Variants in EXT1 observed in about 807,000 individuals in gnomAD.
The protein encoded by EXT1 is exostosin glycosyltransferase 1, also known as exostosin-1.
EXT1 carries 20 observed loss-of-function variants against 82.5 expected under a neutral mutation model. The ratio of observed to expected loss-of-function variants is 0.24; its 90% CI spans 0.17 to 0.35. The LOEUF (loss-of-function observed/expected upper bound fraction) is 0.35. Among genes scored for constraint, EXT1 ranks in the 10% least tolerant of loss-of-function variants. The probability of loss-of-function intolerance (pLI) is 1.00; values close to 1 mark genes in which losing one functional copy is unlikely to be tolerated. For missense variants in EXT1, 757 were observed against 936.5 expected, an observed-to-expected ratio of 0.81 and a Z score of 2.50; for synonymous variants, 348 against 350.8, an observed-to-expected ratio of 0.99 and a Z score of 0.09.
chr8:117,864,225 C>G (rs1812734261), intron 1 of EXT1, among the ~76,000 whole-genome samples: 1 of 152,294 alleles, frequency 6.6e-6, no homozygotes, highest in South Asian at 2.1e-4. Flanking sequence ...CATTCTTTCC[C>G]AGACTAAGGA....
intron 1 of EXT1, among the ~76,000 whole-genome samples, chr8:117,937,540 T>C (rs1276317329): frequency 6.6e-6 from 1 of 152,222 alleles, no homozygotes; most frequent in Non-Finnish European, 1.5e-5. Flanking sequence ...TGCCTGAATA[T>C]AGTTGTCCCA....
intron 1 of EXT1, among the ~76,000 whole-genome samples, chr8:118,101,203 T>G (rs1303085305): frequency 1.3e-5 from 2 of 152,174 alleles, no homozygotes; most frequent in Non-Finnish European, 2.9e-5. Context: ...GATCCCCATT[T>G]CCAGATGTGG....
chr8:117,915,130 T>C (rs1813722781), intron 1 of EXT1, among the ~76,000 whole-genome samples: 1 of 152,198 alleles, frequency 6.6e-6, no homozygotes, highest in African/African-American at 2.4e-5. Context: ...ACTCTTTCTC[T>C]TTATTTCTCA....
chr8:117,901,018 A>G (rs1470611809), intron 1 of EXT1, among the ~76,000 whole-genome samples: 2 of 152,228 alleles, frequency 1.3e-5, no homozygotes, highest in African/African-American at 2.4e-5. Context: ...AGGACTCAGT[A>G]AAAAGTTCCA....
intron 5 of EXT1, among the ~76,000 whole-genome samples, chr8:117,821,263 C>T (rs1056627383): frequency 2.6e-5 from 4 of 152,142 alleles, no homozygotes; most frequent in African/African-American, 9.7e-5. Flanking sequence ...AGAAGTTAAC[C>T]TTCCCAATAT....
intron 1 of EXT1, among the ~76,000 whole-genome samples, chr8:117,924,958 T>G (rs1813925682): frequency 6.6e-6 from 1 of 152,216 alleles, no homozygotes; most frequent in South Asian, 2.1e-4. Context: ...CAACCTAAAA[T>G]TCACAGGTAT....
intron 1 of EXT1, among the ~76,000 whole-genome samples, chr8:117,934,343 G>A (rs1419190377): frequency 6.6e-6 from 1 of 152,244 alleles, no homozygotes; most frequent in African/African-American, 2.4e-5. Flanking sequence ...GCCCATAGCT[G>A]GCTTTATAAG....
chr8:117,985,963 C>T (rs2129777020), intron 1 of EXT1, among the ~76,000 whole-genome samples: 1 of 152,244 alleles, frequency 6.6e-6, no homozygotes, highest in South Asian at 2.1e-4. Context: ...ATGCTGTATT[C>T]TTATTTCACT....
intron 7 of EXT1, among the ~76,000 whole-genome samples, chr8:117,813,448 C>T (rs1823366963): frequency 6.6e-6 from 1 of 152,044 alleles, no homozygotes; most frequent in Non-Finnish European, 1.5e-5. Flanking sequence ...AGGCACTGAG[C>T]AGAGAACCTG....
At chr8:118,000,000 T>C (rs942444996) in intron 1 of EXT1, among the ~76,000 whole-genome samples, 1 of 152,006 alleles carries the variant, frequency 6.6e-6, no homozygotes, top group Non-Finnish European at 1.5e-5. Context: ...ATATCTGTAC[T>C]TTATACACAC....
At chr8:118,094,029 G>T (rs748840971) in intron 1 of EXT1, among the ~76,000 whole-genome samples, 2 of 152,306 alleles carry the variant, frequency 1.3e-5, no homozygotes, top group Admixed American at 6.5e-5. Context: ...TGGCTACCTG[G>T]ATTGCTAGAA....
At chr8:117,953,967 A>G (rs181621924) in intron 1 of EXT1, among the ~76,000 whole-genome samples, 2 of 152,290 alleles carry the variant, frequency 1.3e-5, no homozygotes, top group Non-Finnish European at 2.9e-5. Context: ...CCGAAAGATT[A>G]TTATGTGCCT....
rs1363146875 is a variant in EXT1 at position 117,795,847 on chromosome 8, A to G, written c.*3865T>C. On this transcript the variant is annotated 3_prime_UTR_variant, in exon 11 of 11. Transcript: ENST00000378204. ...TGTCAAAGGATAAACTAATCTCTTT[A>G]TGCTGAAGTTCTTATACCAAGTGAG... 1 of 152,190 alleles carries G rather than the reference A, an allele frequency of 6.6e-6. No individual in the cohort carries two copies. Among genetic ancestry groups the G allele is most frequent in the Non-Finnish European group, 1.5e-5 (1 of 68,040 alleles). The allele number at this position is 152,190 out of a possible 1,614,324, so 9.4% of individuals were successfully genotyped here.
intron 1 of EXT1, among the ~76,000 whole-genome samples, chr8:118,041,348 A>G (rs1191048057): frequency 6.6e-6 from 1 of 152,190 alleles, no homozygotes; most frequent in East Asian, 1.9e-4. Context: ...ATTACTCTGC[A>G]TGTGATTAAT....
At chr8:118,049,456 C>G (rs1200486771) in intron 1 of EXT1, among the ~76,000 whole-genome samples, 1 of 152,110 alleles carries the variant, frequency 6.6e-6, no homozygotes, top group East Asian at 1.9e-4. Flanking sequence ...TGGCAAAGCT[C>G]CGACTTTGCA....
intron 1 of EXT1, among the ~76,000 whole-genome samples, chr8:117,944,756 C>T (rs537272636): frequency 6.6e-6 from 1 of 152,290 alleles, no homozygotes; most frequent in Middle Eastern, 3.4e-3. Context: ...CTAAGCCTAT[C>T]CCCCAAATTC....
chr8:117,866,543 G>A (rs1812776865), intron 1 of EXT1, among the ~76,000 whole-genome samples: 1 of 152,176 alleles, frequency 6.6e-6, no homozygotes, highest in Non-Finnish European at 1.5e-5. Flanking sequence ...CAAGCTCAAG[G>A]ACAGTGGGGA....
At chr8:118,061,215 A>C (rs1816875739) in intron 1 of EXT1, among the ~76,000 whole-genome samples, 1 of 152,260 alleles carries the variant, frequency 6.6e-6, no homozygotes, top group African/African-American at 2.4e-5. Context: ...TGGCACACCC[A>C]TTCAATAAAG....
intron 1 of EXT1, among the ~76,000 whole-genome samples, chr8:117,840,360 C>T (rs764058848): frequency 2.0e-5 from 3 of 152,102 alleles, no homozygotes; most frequent in Non-Finnish European, 2.9e-5. Context: ...CACCTGTAAT[C>T]CCAGCACTTT....
Sources: gnomAD v4.1 joint callset for allele counts (sites outside exome capture counted in the v4.1 genomes callset) on GRCh38, gnomAD v4.1.1 for gene constraint, MANE v1.5 for transcripts, NCBI Gene and HGNC (gene_info 2026-07-23, HGNC 2026-07-21) for gene names.